AP1M2: variants seen among roughly 807,000 people sequenced by gnomAD.
AP1M2 encodes adaptor related protein complex 1 subunit mu 2.
Under a neutral mutation model 54.6 loss-of-function variants are expected in AP1M2, and 41 were observed. The observed-to-expected ratio is 0.75, with a 90% CI of 0.59 to 0.97. AP1M2 has a LOEUF of 0.97. Among genes scored for constraint, AP1M2 ranks in the 50% least tolerant of loss-of-function variants. The pLI is 0.00. For synonymous variants in AP1M2, 219 were observed against 215.9 expected (o/e 1.01, Z -0.13); for missense variants, 507 against 561.2 (o/e 0.90, Z 0.98).
Position 10,583,678 on chromosome 19 carries a change from G to T in AP1M2, c.200-5C>A. On this transcript the variant is annotated splice_region_variant and splice_polypyrimidine_tract_variant and intron_variant, in intron 2 of 11. Coordinates refer to ENST00000250244, the MANE Select transcript of AP1M2 (RefSeq NM_005498.5). ...TCTTCGATGTGGTGGCCACCACTGG[G>T]GCAGCAAGGTTAAGGAAAAGGTGCC... is the stretch of plus-strand genomic sequence containing the variant. 6.2e-7 allele frequency: 1 copy of T among 1,612,880 alleles called. No homozygotes were observed. Among genetic ancestry groups the T allele is most frequent in the Non-Finnish European group, 8.5e-7 (1 of 1,179,188 alleles).
Position 10,572,874 on chromosome 19 carries a change from CAGAG to C in AP1M2, c.*188_*191del, listed in dbSNP as rs3217392. 1 of 532,886 alleles carries C rather than the reference CAGAG, an allele frequency of 1.9e-6. No homozygotes were observed. Among genetic ancestry groups the C allele is most frequent in the Non-Finnish European group, 3.4e-6 (1 of 297,174 alleles). 33.0% of individuals were successfully genotyped at this position (532,886 alleles called of 1,614,324 possible). The stretch of plus-strand genomic sequence containing the variant: ...GGGAAAGCTCCAAGGGCGAGGGAAG[CAGAG>C]AGAGTTTCTCTCCCAGCCTATGGAA... On this transcript the variant is annotated 3_prime_UTR_variant, in exon 12 of 12. Coordinates refer to ENST00000250244, the MANE Select transcript of AP1M2 (RefSeq NM_005498.5).
At chr19:10,576,413 CA>C (rs1419684571) in intron 9 of AP1M2, among the ~76,000 whole-genome samples, 2 of 151,910 alleles carry the variant, frequency 1.3e-5, no homozygotes, top group African/African-American at 4.8e-5. Flanking sequence ...CAGGCGCCTG[CA>C]ACCACGCCCG....
At chr19:10,585,283 A>AAAGAAAGAAGGAAAGAAGGAAAG (rs1568434699) in intron 1 of AP1M2, among the ~76,000 whole-genome samples, 1 of 104,570 alleles carries the variant, frequency 9.6e-6, no homozygotes, top group African/African-American at 4.2e-5. Flanking sequence ...AAAGAAGAAA[A>AAAGAAAGAAGGAAAGAAGGAAAG]AAAGAAAGAA....
intron 8 of AP1M2, 77 bp downstream of exon 8, chr19:10,578,815 G>T (rs550003725): frequency 1.0e-5 from 12 of 1,199,134 alleles, no homozygotes; most frequent in Non-Finnish European, 1.2e-6. Flanking sequence ...GCCTCCCAAA[G>T]TGCTGGGATT....
intron 1 of AP1M2, 45 bp downstream of exon 1, chr19:10,587,145 G>T: frequency 6.5e-7 from 1 of 1,547,356 alleles, no homozygotes; most frequent in Non-Finnish European, 8.7e-7. Flanking sequence ...CCCTGGGAGC[G>T]AGACCTCACC....
At chr19:10,581,001 A>G (rs1320799508) in intron 6 of AP1M2, among the ~76,000 whole-genome samples, 1 of 152,168 alleles carries the variant, frequency 6.6e-6, no homozygotes, top group Non-Finnish European at 1.5e-5. Context: ...TCCTCCCAGT[A>G]GGATGTCATC....
At chr19:10,575,070 T>C (rs931432708) in intron 9 of AP1M2, 41 bp from the exon 10 acceptor site, 1 of 1,431,942 alleles carries the variant, frequency 7.0e-7, no homozygotes, top group Non-Finnish European at 9.2e-7. Flanking sequence ...AGGGTCCGCC[T>C]ACCCTCCCGA....
chr19:10,580,330 C>T (rs1272754843), intron 6 of AP1M2, among the ~76,000 whole-genome samples: 2 of 151,668 alleles, frequency 1.3e-5, no homozygotes, highest in East Asian at 2.0e-4. Context: ...GGATTACAGG[C>T]GTGAGCCACT....
chr19:10,583,532 TCTTGAATCTTG>T (rs1370390342), intron 3 of AP1M2, 63 bp downstream of exon 3: 2 of 1,181,604 alleles, frequency 1.7e-6, no homozygotes, highest in African/African-American at 3.1e-5. Flanking sequence ...CAGAAAAGGA[TCTTGAATCTTG>T]AAAGAGGCGG....
At position 10,585,301 on chromosome 19, in the gene AP1M2, A is replaced by AGG. The variant is rs1296572344; in HGVS notation, c.43-1232_43-1231insCC. 7.0e-3 allele frequency among the ~76,000 whole-genome samples: 991 copies of AGG among 142,434 alleles called. 19 individuals are homozygous for AGG. The highest frequency in any genetic ancestry group is 0.011 in the Non-Finnish European group (720 of 63,832). The allele number at this position is 142,434 out of a possible 152,430, so 93.4% of individuals were successfully genotyped here. A position where few individuals can be genotyped will look rare whatever the true frequency, so the allele number is the denominator to read the frequency against. On this transcript the variant is annotated intron_variant, in intron 1 of 11. Coordinates refer to ENST00000250244, the MANE Select transcript of AP1M2 (RefSeq NM_005498.5). The stretch of plus-strand genomic sequence containing the variant: ...GAAGAAAAAAAGAAAGAAAGAAAGA[A>AGG]AGAAAGAAAGAAAGAAAGAAAGAAA...
At chr19:10,582,421 C>T (rs1258848346) in intron 3 of AP1M2, among the ~76,000 whole-genome samples, 2 of 152,034 alleles carry the variant, frequency 1.3e-5, no homozygotes, top group African/African-American at 4.8e-5. Flanking sequence ...GATGCTACTG[C>T]ACTCCAGCCT....
At chr19:10,585,323 G>GAA (rs1917616887) in intron 1 of AP1M2, among the ~76,000 whole-genome samples, 1 of 139,984 alleles carries the variant, frequency 7.1e-6, no homozygotes, top group Non-Finnish European at 1.7e-5. Context: ...AAGAAAGAAA[G>GAA]AAAGAAAGAA....
chr19:10,583,753 C>G (rs1246630448), intron 2 of AP1M2, 80 bp from the exon 3 acceptor site: 1 of 1,511,998 alleles, frequency 6.6e-7, no homozygotes. Context: ...CACCCTGTCC[C>G]TTGCCACCAC....
Position 10,573,041 on chromosome 19 carries a change from T to G in AP1M2, c.*25A>C. On this transcript the variant is annotated 3_prime_UTR_variant, in exon 12 of 12. Transcript: ENST00000250244. ...TCCGGGGCTGTAAGGAAGCCCCGTG[T>G]TCAAGCCCCCATCTCTTCTCCCTTC... 6.4e-7 allele frequency: 1 copy of G among 1,559,504 alleles called. No homozygotes were observed. The highest frequency in any genetic ancestry group is 8.7e-7 in the Non-Finnish European group (1 of 1,151,212).
rs542063701 is a variant in AP1M2 at position 10,581,591 on chromosome 19, G to C, written c.442C>G (p.Arg148Gly). The C allele has an allele frequency of 5.0e-6, 8 of 1,613,792 alleles. No individual in the cohort carries two copies. Among genetic ancestry groups the C allele is most frequent in the Non-Finnish European group, 5.9e-6 (7 of 1,179,850 alleles). ...QSNKLETGKS[R>G]VPPTVTNAVS... ...GCGTTGGTGACAGTGGGTGGCACCC[G>C]TGACTTGCCCGTCTCCAGCTTGTTG... The change falls in exon 5 of 12, where the codon CGG becomes GGG. Residue 148 changes from arginine to glycine, a missense_variant. Arg to Gly is a moderately radical substitution (Grantham distance 125). Transcript: ENST00000250244.
At chr19:10,575,640 A>G (rs1917203600) in intron 9 of AP1M2, among the ~76,000 whole-genome samples, 3 of 151,850 alleles carry the variant, frequency 2.0e-5, no homozygotes. Flanking sequence ...TTAAATCCAC[A>G]CACTTCCCGT....
chr19:10,576,258 A>ATTTT (rs34667196), intron 9 of AP1M2, among the ~76,000 whole-genome samples: 7 of 82,534 alleles, frequency 8.5e-5, no homozygotes, highest in Admixed American at 3.5e-4. Flanking sequence ...TGCCCGGCTA[A>ATTTT]TTTTTTTTTT....
intron 6 of AP1M2, among the ~76,000 whole-genome samples, chr19:10,580,487 T>A (rs10409578): frequency 6.6e-6 from 1 of 151,956 alleles, no homozygotes; most frequent in African/African-American, 2.4e-5. Context: ...TGGTGAAACC[T>A]CGTCTCCACT....
chr19:10,577,630 T>C (rs545678314), intron 8 of AP1M2, among the ~76,000 whole-genome samples: 1 of 150,996 alleles, frequency 6.6e-6, no homozygotes, highest in South Asian at 2.1e-4. Context: ...AGAGACGGGG[T>C]TTCAGCATGT....
Sources: allele counts gnomAD v4.1 joint callset (sites outside exome capture counted in the v4.1 genomes callset), GRCh38; gene constraint gnomAD v4.1.1; transcripts MANE v1.5; gene names NCBI Gene and HGNC (gene_info 2026-07-23, HGNC 2026-07-21).